The following STK10 variants were observed in gnomAD, a reference collection of about 807,000 sequenced individuals.
STK10 encodes the protein serine/threonine kinase 10.
A neutral mutation model predicts 113.8 loss-of-function variants in STK10; 78 were observed. That is an observed-to-expected ratio of 0.69 (90% confidence interval 0.57 to 0.83). STK10 has a LOEUF of 0.83. Among genes scored for constraint, STK10 ranks in the 40% least tolerant of loss-of-function variants. STK10 has a pLI of 0.00. For missense variants in STK10, 1,109 were observed against 1,280.1 expected (o/e 0.87, Z 2.04); for synonymous variants, 465 against 494.7 (o/e 0.94, Z 0.80).
intron 10 of STK10, among the ~76,000 whole-genome samples, chr5:172,088,302 G>T (rs1339350611): frequency 1.3e-5 from 2 of 152,044 alleles, no homozygotes; most frequent in East Asian, 3.9e-4. Flanking sequence ...GAGGTGGGCG[G>T]ATCACAAGGT....
At chr5:172,132,704 T>C (rs1288368006) in intron 2 of STK10, among the ~76,000 whole-genome samples, 1 of 152,184 alleles carries the variant, frequency 6.6e-6, no homozygotes, top group Non-Finnish European at 1.5e-5. Flanking sequence ...TTGATCATTA[T>C]AAACTGAGTG....
At chr5:172,174,162 G>T (rs535860520) in intron 1 of STK10, among the ~76,000 whole-genome samples, 126 of 152,000 alleles carry the variant, frequency 8.3e-4, no homozygotes, top group African/African-American at 2.9e-3. Context: ...GGTATTTTTT[G>T]TTGTTGTTGT....
Position 172,061,125 on chromosome 5 carries a change from T to C in STK10, c.2212+14A>G, listed in dbSNP as rs2113702186. On this transcript the variant is annotated intron_variant, in intron 14 of 18. Transcript: ENST00000176763. Reference sequence around the variant, plus strand: ...CTCTGGGCCAAGACAGCGCTGCCACTTGCACACCCCCACCTCGAAGGAGCT... The same window carrying C: ...CTCTGGGCCAAGACAGCGCTGCCACCTGCACACCCCCACCTCGAAGGAGCT... 1 of 1,602,292 alleles carries C rather than the reference T, an allele frequency of 6.2e-7. No homozygotes were observed. Among genetic ancestry groups the C allele is most frequent in the Non-Finnish European group, 8.5e-7 (1 of 1,175,534 alleles).
At position 172,052,937 on chromosome 5, in the gene STK10, G is replaced by C; in HGVS notation, c.2758C>G (p.Arg920Gly). Reference protein sequence around the residue: ...LKEWRDKLRPRKKALEEDLNQ... With the variant: ...LKEWRDKLRPGKKALEEDLNQ... Reference sequence around the variant, plus strand: ...AGCTCGGATAAAGTTACCTTCTTGCGCGGCCGAAGCTTGTCCCGCCATTCC... The same window carrying C: ...AGCTCGGATAAAGTTACCTTCTTGCCCGGCCGAAGCTTGTCCCGCCATTCC... Residue 920 changes from arginine (R) to glycine (G), a missense_variant, in exon 18 of 19, where the codon CGC becomes GGC. Physicochemically the swap from Arg to Gly is moderately radical, Grantham distance 125. This residue lies in a region of STK10 where 885 missense variants were observed against 991.1 expected (regional missense o/e 0.89). Transcript: ENST00000176763. 6.2e-7 allele frequency: 1 copy of C among 1,613,958 alleles called. No homozygotes were observed. Among genetic ancestry groups the C allele is most frequent in the Non-Finnish European group, 8.5e-7 (1 of 1,180,026 alleles).
Position 172,093,577 on chromosome 5 carries a change from C to A in STK10, c.1389G>T (p.Glu463Asp). 1 of 1,614,218 alleles carries A rather than the reference C, an allele frequency of 6.2e-7. No homozygotes were observed. The highest frequency in any genetic ancestry group is 8.5e-7 in the Non-Finnish European group (1 of 1,180,032). Reference sequence around the variant, plus strand: ...GCTCCAGGCTGCCATTGGCCAGCTTCTCCCCACCCAAGGTCTCCAGGGCGC... The same window carrying A: ...GCTCCAGGCTGCCATTGGCCAGCTTATCCCCACCCAAGGTCTCCAGGGCGC... ...NSSALETLGG[E>D]KLANGSLEPP... The change falls in exon 9 of 19, where the codon GAG (glutamate) becomes GAT (aspartate). Residue 463 changes from glutamate (E) to aspartate (D), a missense_variant. This residue lies in a region of STK10 where 885 missense variants were observed against 991.1 expected (regional missense o/e 0.89). Coordinates refer to ENST00000176763, the MANE Select transcript of STK10 (RefSeq NM_005990.4). This position sits in a 1 kb window ranked among gnomAD's most constrained non-coding sequence, Gnocchi z 4.1.
intron 13 of STK10, 169 bp downstream of exon 13, chr5:172,064,551 G>T: frequency 1.5e-6 from 1 of 656,906 alleles, no homozygotes. Flanking sequence ...AATCGAGGAA[G>T]GCTGCATGGA....
At chr5:172,076,919 G>C (rs1768321329) in intron 12 of STK10, among the ~76,000 whole-genome samples, 1 of 111,076 alleles carries the variant, frequency 9.0e-6, no homozygotes, top group Admixed American at 8.1e-5. Flanking sequence ...GTTTAGTAAA[G>C]GATTTCTGCC....
At chr5:172,102,666 T>C (rs148100544) in intron 7 of STK10, among the ~76,000 whole-genome samples, 3 of 152,030 alleles carry the variant, frequency 2.0e-5, no homozygotes, top group African/African-American at 7.3e-5. Context: ...GCTGTTGATG[T>C]GTTCAGTGAG....
chr5:172,146,203 G>T (rs1381637272), intron 2 of STK10, among the ~76,000 whole-genome samples: 1 of 152,224 alleles, frequency 6.6e-6, no homozygotes, highest in Non-Finnish European at 1.5e-5. Context: ...AAACTGCCGG[G>T]CCCACAGCCG....
chr5:172,137,878 C>T lies in STK10; in HGVS notation c.322-10457G>A, dbSNP rs149670858. Among the ~76,000 whole-genome samples, 720 of 129,830 alleles carry T rather than the reference C, an allele frequency of 5.5e-3. 4 individuals carry two copies. Among genetic ancestry groups the T allele is most frequent in the African/African-American group, 0.02 (656 of 32,172 alleles). 85.2% of individuals were successfully genotyped at this position (129,830 alleles called of 152,430 possible). ...CAGTACTCCAGCCTGGACGACAGAGCGAGACTCTGTCTCAAAAAAAAAAAA... is the reference window on the plus strand; with the variant it reads ...CAGTACTCCAGCCTGGACGACAGAGTGAGACTCTGTCTCAAAAAAAAAAAA... On this transcript the variant is annotated intron_variant, in intron 2 of 18. Coordinates refer to ENST00000176763, the MANE Select transcript of STK10 (RefSeq NM_005990.4).
At chr5:172,068,019 A>G (rs1768105453) in intron 12 of STK10, among the ~76,000 whole-genome samples, 1 of 152,228 alleles carries the variant, frequency 6.6e-6, no homozygotes, top group African/African-American at 2.4e-5. Context: ...TAGGGAGGCC[A>G]AAAGCCACCG....
chr5:172,184,010 T>A lies in STK10; in HGVS notation c.156+3877A>T, dbSNP rs368806965. On this transcript the variant is annotated intron_variant, in intron 1 of 18. Coordinates refer to ENST00000176763, the MANE Select transcript of STK10 (RefSeq NM_005990.4). ...TGGAGTCAGAGTCCTCTCCTGACAC[T>A]GTGACAAACTCAGACTTCCAAGGCC... Among the ~76,000 whole-genome samples, 32 of 152,302 alleles carry A rather than the reference T, an allele frequency of 2.1e-4. 1 individual carries two copies. In the South Asian group the frequency reaches 6.6e-3, roughly 32 times the overall value.
At chr5:172,150,493 AAAAG>A (rs1309797989) in intron 2 of STK10, among the ~76,000 whole-genome samples, 7 of 151,888 alleles carry the variant, frequency 4.6e-5, no homozygotes, top group African/African-American at 1.7e-4. Context: ...AAAAAAAAAA[AAAAG>A]AAAGAAAGAA....
chr5:172,164,211 T>TAAA (rs57573746), intron 1 of STK10, among the ~76,000 whole-genome samples: 14,279 of 84,276 alleles, frequency 0.17, 1,160 homozygotes, highest in East Asian at 0.24. Context: ...AAACTCCATC[T>TAAA]AAAAAAAAAA....
intron 14 of STK10, among the ~76,000 whole-genome samples, chr5:172,060,826 T>A (rs1767915811): frequency 1.3e-5 from 2 of 152,026 alleles, no homozygotes; most frequent in Non-Finnish European, 2.9e-5. Context: ...CCTGGCAGAG[T>A]GGTTGCTCAG....
chr5:172,085,581 T>A (rs1768534982), intron 10 of STK10, among the ~76,000 whole-genome samples: 1 of 149,818 alleles, frequency 6.7e-6, no homozygotes, highest in Non-Finnish European at 1.5e-5. Context: ...CCCAGCTACT[T>A]GGGAGGCTGA....
chr5:172,096,991 C>A (rs574252603), intron 7 of STK10, among the ~76,000 whole-genome samples: 1 of 152,332 alleles, frequency 6.6e-6, no homozygotes, highest in East Asian at 1.9e-4. Flanking sequence ...ATGCTACATA[C>A]ATTTTGTTGA....
At chr5:172,105,364 C>T (rs752147960) in intron 7 of STK10, among the ~76,000 whole-genome samples, 3 of 152,074 alleles carry the variant, frequency 2.0e-5, no homozygotes, top group Non-Finnish European at 4.4e-5. Context: ...CTGTGGATCT[C>T]CTTCCGTGGC....
intron 16 of STK10, among the ~76,000 whole-genome samples, chr5:172,055,061 T>C (rs1026419676): frequency 7.2e-5 from 11 of 152,114 alleles, no homozygotes; most frequent in Admixed American, 1.3e-4. Flanking sequence ...TGCAGGAGAA[T>C]TGGCAACATA....
Sources: gnomAD v4.1 joint callset for allele counts (sites outside exome capture counted in the v4.1 genomes callset) on GRCh38, gnomAD v4.1.1 for gene constraint, gnomAD v4.1.1 regional missense constraint, Gnocchi (gnomAD v3.1) non-coding constraint, MANE v1.5 for transcripts, NCBI Gene and HGNC (gene_info 2026-07-23, HGNC 2026-07-21) for gene names.